The following TBC1D1 variants were observed in gnomAD, a reference collection of about 807,000 sequenced individuals.
The protein encoded by TBC1D1 is TBC1 (tre-2/USP6, BUB2, cdc16) domain family, member 1.
In TBC1D1, 89 loss-of-function variants were observed where a neutral mutation model predicts 125.6. The observed-to-expected ratio is 0.71, with a 90% CI of 0.60 to 0.85. The LOEUF is 0.85. Among genes scored for constraint, TBC1D1 ranks in the 40% least tolerant of loss-of-function variants. TBC1D1 has a pLI of 0.00. For missense variants in TBC1D1, 1,377 were observed against 1,469.2 expected (o/e 0.94, Z 1.03); for synonymous variants, 565 against 564.1 (o/e 1.00, Z -0.02).
chr4:38,030,901 C>T (rs556910341), intron 7 of TBC1D1, among the ~76,000 whole-genome samples: 1 of 152,290 alleles, frequency 6.6e-6, no homozygotes, highest in South Asian at 2.1e-4. Context: ...ACTCTAACAG[C>T]TATAAAGAAA....
In TBC1D1 at chr4:38,123,078, CAA is replaced by C. The variant is rs530637641; in HGVS notation, c.2963-1881_2963-1880del. Among the ~76,000 whole-genome samples the C allele has an allele frequency of 2.9e-3, 441 of 152,284 alleles. 1 individual carries two copies. Among genetic ancestry groups the C allele is most frequent in the Middle Eastern group, 0.01 (3 of 294 alleles). ...TGGATTCTGTATTTGGTTGTGCTGACAAAAGTTTCCCAGTAATTGTTTATTTT... is the reference window on the plus strand; with the variant it reads ...TGGATTCTGTATTTGGTTGTGCTGACAAGTTTCCCAGTAATTGTTTATTTT... On this transcript the variant is annotated intron_variant, in intron 17 of 19. Coordinates refer to ENST00000261439, the MANE Select transcript of TBC1D1 (RefSeq NM_015173.4).
intron 2 of TBC1D1, among the ~76,000 whole-genome samples, chr4:37,997,257 A>G (rs946262154): frequency 1.3e-5 from 2 of 152,368 alleles, no homozygotes; most frequent in East Asian, 1.9e-4. Flanking sequence ...ATAATTATCT[A>G]TGCAAATGCA....
intron 2 of TBC1D1, among the ~76,000 whole-genome samples, chr4:37,933,754 G>A (rs953024726): frequency 6.6e-6 from 1 of 152,004 alleles, no homozygotes; most frequent in African/African-American, 2.4e-5. Context: ...CTTCACCTCC[G>A]TACTGATCGG....
intron 17 of TBC1D1, among the ~76,000 whole-genome samples, chr4:38,124,016 A>G (rs1764256910): frequency 6.6e-6 from 1 of 152,256 alleles, no homozygotes; most frequent in Non-Finnish European, 1.5e-5. Flanking sequence ...TGAAATTTAC[A>G]GCTTCTTTCT....
chr4:38,060,912 G>A (rs975708798), intron 12 of TBC1D1, among the ~76,000 whole-genome samples: 4 of 152,170 alleles, frequency 2.6e-5, no homozygotes, highest in African/African-American at 9.7e-5. Context: ...AAACAACCGT[G>A]GGAAATCCAG....
intron 6 of TBC1D1, among the ~76,000 whole-genome samples, chr4:38,026,888 T>G (rs1356946974): frequency 1.3e-5 from 2 of 151,706 alleles, no homozygotes; most frequent in African/African-American, 4.8e-5. Context: ...AAGTTATTAA[T>G]AAGCATGTGG....
chr4:37,909,715 T>C (rs1718138090), intron 2 of TBC1D1, among the ~76,000 whole-genome samples: 1 of 152,218 alleles, frequency 6.6e-6, no homozygotes, highest in Admixed American at 6.5e-5. Flanking sequence ...ACACAGGTAA[T>C]GATTCTGAGG....
intron 17 of TBC1D1, among the ~76,000 whole-genome samples, chr4:38,122,989 T>TAA (rs5857598): frequency 5.9e-5 from 9 of 151,988 alleles, no homozygotes; most frequent in African/African-American, 1.2e-4. Flanking sequence ...TGATTTATTG[T>TAA]AAAAAAACCA....
At chr4:37,997,808 C>G (rs1000616391) in intron 2 of TBC1D1, among the ~76,000 whole-genome samples, 4 of 151,464 alleles carry the variant, frequency 2.6e-5, no homozygotes, top group African/African-American at 9.7e-5. Flanking sequence ...GAATTTTTTG[C>G]CAGAATGCCA....
chr4:38,053,304 T>A, intron 11 of TBC1D1, 79 bp downstream of exon 13: 1 of 1,160,618 alleles, frequency 8.6e-7, no homozygotes, highest in Non-Finnish European at 1.1e-6. Context: ...GTGTTTTAAT[T>A]ACTATTTTGC....
chr4:38,105,932 T>A (rs1009725716), intron 15 of TBC1D1, among the ~76,000 whole-genome samples: 11 of 152,182 alleles, frequency 7.2e-5, no homozygotes, highest in Admixed American at 1.3e-4. Context: ...TAGGATGATT[T>A]ATTTTGTTTT....
chr4:37,927,892 A>G (rs1457866573), intron 2 of TBC1D1, among the ~76,000 whole-genome samples: 11 of 152,220 alleles, frequency 7.2e-5, no homozygotes, highest in Admixed American at 7.2e-4. Context: ...ATCCTGGGCA[A>G]CATAGCAAAT....
At chr4:38,058,311 G>T (rs1752122251) in intron 12 of TBC1D1, among the ~76,000 whole-genome samples, 1 of 152,176 alleles carries the variant, frequency 6.6e-6, no homozygotes, top group Non-Finnish European at 1.5e-5. Flanking sequence ...ACACTAGCAG[G>T]TCTCCATATG....
At chr4:37,985,153 C>T (rs1266276036) in intron 2 of TBC1D1, among the ~76,000 whole-genome samples, 2 of 152,060 alleles carry the variant, frequency 1.3e-5, no homozygotes, top group African/African-American at 4.8e-5. Context: ...CGGGGTTTCA[C>T]CATGCTGGCC....
At chr4:38,069,564 T>G (rs901148832) in intron 12 of TBC1D1, among the ~76,000 whole-genome samples, 11 of 152,120 alleles carry the variant, frequency 7.2e-5, no homozygotes, top group Non-Finnish European at 1.6e-4. Flanking sequence ...TGAGGCCATG[T>G]AATTTTTTTT....
In TBC1D1 at chr4:38,137,270, C is replaced by T. The variant is rs573080470; in HGVS notation, c.3442C>T (p.Arg1148Trp). 2.3e-5 allele frequency: 37 copies of T among 1,611,750 alleles called. No individual in the cohort carries two copies. The highest frequency in any genetic ancestry group is 4.4e-5 in the South Asian group (4 of 90,986). Residue 1148 changes from arginine to tryptophan, a missense_variant, in exon 20 of 20, where the codon CGG becomes TGG. Arg to Trp is a moderately radical substitution (Grantham distance 101). Coordinates refer to ENST00000261439, the MANE Select transcript of TBC1D1 (RefSeq NM_015173.4). ...GCTGCAGACGGTGGAGGAGCTGCGG[C>T]GGCGGAGCGCAGAGCCCAGCGACCG... is the stretch of plus-strand genomic sequence containing the variant.
chr4:38,129,498 A>G (rs1765232056), intron 18 of TBC1D1, among the ~76,000 whole-genome samples: 1 of 152,210 alleles, frequency 6.6e-6, no homozygotes, highest in Admixed American at 6.5e-5. Flanking sequence ...AATTCACTAC[A>G]GATAGTGTGT....
At chr4:37,958,729 G>A (rs574501157) in intron 2 of TBC1D1, among the ~76,000 whole-genome samples, 27 of 152,308 alleles carry the variant, frequency 1.8e-4, no homozygotes, top group African/African-American at 4.3e-4. Context: ...TGAATGTGTC[G>A]GAAGAGTTGA....
At chr4:37,985,207 C>A (rs1735200302) in intron 2 of TBC1D1, among the ~76,000 whole-genome samples, 1 of 152,204 alleles carries the variant, frequency 6.6e-6, no homozygotes. Context: ...CCTGCCTCAG[C>A]CTCCCAAAGT....
Sources: allele counts gnomAD v4.1 joint callset (sites outside exome capture counted in the v4.1 genomes callset), GRCh38; gene constraint gnomAD v4.1.1; transcripts MANE v1.5; gene names NCBI Gene and HGNC (gene_info 2026-07-23, HGNC 2026-07-21).